CHSY3: variants seen among roughly 807,000 people sequenced by gnomAD.
The protein encoded by CHSY3 is N-acetylgalactosaminyl-proteoglycan 3-beta-glucuronosyltransferase 3.
In CHSY3, 35 loss-of-function variants were observed where a neutral mutation model predicts 67.2. The ratio of observed to expected loss-of-function variants is 0.52; its 90% CI spans 0.40 to 0.69. CHSY3 has a LOEUF of 0.69. Ranked by LOEUF, CHSY3 falls within the 30% of genes least tolerant of loss-of-function variation. The pLI is 0.00. For synonymous variants in CHSY3, 474 were observed against 434.7 expected (o/e 1.09, Z -1.12); for missense variants, 1,069 against 1,138.5 (o/e 0.94, Z 0.88).
At chr5:130,068,908 G>A (rs760050808) in intron 2 of CHSY3, among the ~76,000 whole-genome samples, 18 of 152,106 alleles carry the variant, frequency 1.2e-4, no homozygotes, top group Non-Finnish European at 1.5e-4. Context: ...ACAAAGTCTT[G>A]TAGCAGAGTC....
intron 2 of CHSY3, among the ~76,000 whole-genome samples, chr5:130,105,094 A>G (rs1767373126): frequency 6.6e-6 from 1 of 151,628 alleles, no homozygotes. Flanking sequence ...GAGTAATGTG[A>G]TAACAATATG....
At chr5:130,091,912 C>A (rs1400811990) in intron 2 of CHSY3, among the ~76,000 whole-genome samples, 1 of 152,046 alleles carries the variant, frequency 6.6e-6, no homozygotes, top group Non-Finnish European at 1.5e-5. Flanking sequence ...GGTGAAGATC[C>A]CTGTTTTGCT....
chr5:130,110,608 A>C (rs562987531), intron 2 of CHSY3, among the ~76,000 whole-genome samples: 1 of 152,110 alleles, frequency 6.6e-6, no homozygotes, highest in African/African-American at 2.4e-5. Context: ...GATAATCTTC[A>C]TAGTGGATGG....
intron 2 of CHSY3, chr5:130,002,091 G>T (rs1257519077): frequency 2.1e-6 from 2 of 955,482 alleles, no homozygotes; most frequent in Non-Finnish European, 2.5e-6. Flanking sequence ...ATAAACAAAG[G>T]TGGTGCTTGG....
chr5:130,092,003 C>A (rs1580725639), intron 2 of CHSY3, among the ~76,000 whole-genome samples: 1 of 152,104 alleles, frequency 6.6e-6, no homozygotes, highest in African/African-American at 2.4e-5. Context: ...TGTTCTCAGT[C>A]AGAGAGCATT....
intron 2 of CHSY3, among the ~76,000 whole-genome samples, chr5:129,986,388 G>T (rs1018248980): frequency 6.6e-6 from 1 of 152,068 alleles, no homozygotes; most frequent in East Asian, 1.9e-4. Context: ...ACTTGTATGT[G>T]GTGGATTAGC....
At chr5:130,029,657 C>G (rs1764651579) in intron 2 of CHSY3, among the ~76,000 whole-genome samples, 1 of 152,118 alleles carries the variant, frequency 6.6e-6, no homozygotes, top group South Asian at 2.1e-4. Context: ...CCCAAAAGTT[C>G]TCAGCTAGCC....
Position 130,185,410 on chromosome 5 carries a change from CG to C in CHSY3, c.2273del (p.Gly758GlufsTer34). 6.2e-7 allele frequency: 1 copy of C among 1,613,122 alleles called. No individual in the cohort carries two copies. The highest frequency in any genetic ancestry group is 8.5e-7 in the Non-Finnish European group (1 of 1,179,128). On this transcript the variant is annotated frameshift_variant, in exon 3 of 3. Transcript: ENST00000305031. LOFTEE classifies it high-confidence loss of function. The stretch of plus-strand genomic sequence containing the variant: ...GCCAGTATGACCCAAAGGTAACAAA[CG>C]GGGGAAATCCTCCCACTGATGATTA... ...FSQYDPKVTN[G>X]GNPPTDDYFI...
intron 2 of CHSY3, among the ~76,000 whole-genome samples, chr5:130,128,718 A>C (rs1438984676): frequency 6.6e-6 from 1 of 152,138 alleles, no homozygotes; most frequent in Non-Finnish European, 1.5e-5. Context: ...GAGGTCATAC[A>C]TATGTCTGTG....
intron 2 of CHSY3, 97 bp downstream of exon 2, chr5:129,908,457 G>C: frequency 6.7e-7 from 1 of 1,483,088 alleles, no homozygotes; most frequent in Non-Finnish European, 9.0e-7. Context: ...CTGTATCTTT[G>C]TATTTACTTG....
chr5:130,069,421 T>C (rs1350758878), intron 2 of CHSY3, among the ~76,000 whole-genome samples: 48 of 152,012 alleles, frequency 3.2e-4, no homozygotes, highest in Non-Finnish European at 2.4e-4. Context: ...GAGGATGAGG[T>C]GGAGGATCAC....
At chr5:130,101,305 A>G (rs1341335736) in intron 2 of CHSY3, among the ~76,000 whole-genome samples, 1 of 152,176 alleles carries the variant, frequency 6.6e-6, no homozygotes, top group Non-Finnish European at 1.5e-5. Flanking sequence ...CATTTCCTTC[A>G]TAGAATAGCA....
chr5:129,999,333 A>G (rs1763651561), intron 2 of CHSY3, among the ~76,000 whole-genome samples: 1 of 152,068 alleles, frequency 6.6e-6, no homozygotes. Flanking sequence ...GTTCCTTTTT[A>G]TTTGCAGTTA....
chr5:130,184,148 A>T, intron 2 of CHSY3, 81 bp from the exon 3 acceptor site: 1 of 1,268,358 alleles, frequency 7.9e-7, no homozygotes, highest in Non-Finnish European at 1.0e-6. Flanking sequence ...ATTTTCATTT[A>T]GATGCTTTAG....
At chr5:130,009,335 T>C (rs547664149) in intron 2 of CHSY3, among the ~76,000 whole-genome samples, 3 of 151,562 alleles carry the variant, frequency 2.0e-5, no homozygotes, top group Admixed American at 6.6e-5. Flanking sequence ...AGAAAAAAAA[T>C]TCCAACCAAG....
intron 2 of CHSY3, among the ~76,000 whole-genome samples, chr5:130,108,511 C>T (rs538786712): frequency 1.3e-5 from 2 of 151,596 alleles, no homozygotes; most frequent in African/African-American, 4.8e-5. Flanking sequence ...TAATTGTAAT[C>T]AAGATTTCAT....
intron 2 of CHSY3, among the ~76,000 whole-genome samples, chr5:129,933,240 G>T (rs796097602): frequency 3.9e-5 from 6 of 152,252 alleles, no homozygotes; most frequent in Middle Eastern, 3.4e-3. Flanking sequence ...TGGCCACAAA[G>T]AAACATCCAT....
intron 2 of CHSY3, among the ~76,000 whole-genome samples, chr5:130,014,267 C>G: frequency 6.6e-6 from 1 of 152,208 alleles, no homozygotes; most frequent in East Asian, 1.9e-4. Context: ...TCTAAAGTCA[C>G]TTCCACATTT....
At chr5:129,998,272 A>G (rs1763608193) in intron 2 of CHSY3, among the ~76,000 whole-genome samples, 1 of 152,174 alleles carries the variant, frequency 6.6e-6, no homozygotes, top group Admixed American at 6.6e-5. Flanking sequence ...TTCCCCACTT[A>G]AAAGTAGGTA....
Sources: allele counts gnomAD v4.1 joint callset (sites outside exome capture counted in the v4.1 genomes callset), GRCh38; gene constraint gnomAD v4.1.1; transcripts MANE v1.5; gene names NCBI Gene and HGNC (gene_info 2026-07-23, HGNC 2026-07-21).